The following ATL1 variants were observed in gnomAD, a reference collection of about 807,000 sequenced individuals.
ATL1 encodes the protein atlastin GTPase 1.
A neutral mutation model predicts 75.5 loss-of-function variants in ATL1; 31 were observed. That is an observed-to-expected ratio of 0.41 (90% CI 0.31 to 0.55). ATL1 has a LOEUF of 0.55. ATL1 is among the 20% of genes least tolerant of loss of function. The pLI is 0.27. For missense variants in ATL1, 405 were observed against 662.6 expected (o/e 0.61, Z 4.27); for synonymous variants, 226 against 233.3 (o/e 0.97, Z 0.28).
intron 1 of ATL1, among the ~76,000 whole-genome samples, chr14:50,552,334 G>C (rs114033559): frequency 2.0e-5 from 3 of 152,122 alleles, no homozygotes; most frequent in African/African-American, 4.8e-5. Flanking sequence ...TTCTCTACAA[G>C]GAAAATTACA....
chr14:50,620,862 C>T lies in ATL1; in HGVS notation c.990+136C>T, dbSNP rs998640408. The T allele has an allele frequency of 8.0e-6, 9 of 1,122,898 alleles. No individual in the cohort carries two copies. In the Admixed American group the frequency reaches 1.7e-4, roughly 21 times the overall value. The allele number at this position is 1,122,898 out of a possible 1,614,324, so 69.6% of individuals were successfully genotyped here. On this transcript the variant is annotated intron_variant, in intron 9 of 13. Coordinates refer to ENST00000358385, the MANE Select transcript of ATL1 (RefSeq NM_015915.5). ...AATCTATAAAAAGGATTTTAAAAAT[C>T]CTTTCTAAAAAGCTTTTTCAAAACC...
chr14:50,584,343 A>C (rs2039082285), intron 1 of ATL1, among the ~76,000 whole-genome samples: 1 of 152,150 alleles, frequency 6.6e-6, no homozygotes, highest in African/African-American at 2.4e-5. Context: ...ACACCACTGC[A>C]CTCTGCCTGG....
At chr14:50,567,166 T>G (rs1280054502) in intron 1 of ATL1, among the ~76,000 whole-genome samples, 1 of 152,244 alleles carries the variant, frequency 6.6e-6, no homozygotes, top group African/African-American at 2.4e-5. Flanking sequence ...ACCATTCTAC[T>G]TTCTTTCACT....
At chr14:50,608,347 A>T (rs1310042410) in intron 6 of ATL1, among the ~76,000 whole-genome samples, 4 of 152,068 alleles carry the variant, frequency 2.6e-5, no homozygotes, top group Non-Finnish European at 1.5e-5. Context: ...GCTCATCCCC[A>T]TTCATGAGAA....
intron 1 of ATL1, among the ~76,000 whole-genome samples, chr14:50,587,111 A>G (rs1299651483): frequency 6.6e-6 from 1 of 152,042 alleles, no homozygotes; most frequent in Non-Finnish European, 1.5e-5. Context: ...ATTTCTTCCT[A>G]TATATGTTCA....
In ATL1 at chr14:50,562,528, G is replaced by A. The variant is rs143839763; in HGVS notation, c.34+2229G>A. ...CTGCCTTTTAATTAGCATTTTAGGT[G>A]ATTGGGAAGCAGATGGTCTTTAGGT... On this transcript the variant is annotated intron_variant, in intron 1 of 13. Transcript: ENST00000358385. Among the ~76,000 whole-genome samples, 56 of 152,316 alleles carry A rather than the reference G, an allele frequency of 3.7e-4. No individual in the cohort carries two copies. In the East Asian group the frequency reaches 0.011, roughly 29 times the overall value.
intron 1 of ATL1, among the ~76,000 whole-genome samples, chr14:50,554,715 C>T (rs1478099305): frequency 1.3e-5 from 2 of 152,184 alleles, no homozygotes; most frequent in African/African-American, 4.8e-5. Context: ...TGTTTAAAAG[C>T]AGTTTAGAGA....
intron 1 of ATL1, among the ~76,000 whole-genome samples, chr14:50,587,400 C>A (rs1372708844): frequency 6.6e-6 from 1 of 152,044 alleles, no homozygotes. Context: ...CATTTCTTTT[C>A]TTTCTTTCTT....
chr14:50,631,190 G>A (rs548483416), intron 13 of ATL1: 2 of 189,672 alleles, frequency 1.1e-5, no homozygotes, highest in East Asian at 3.2e-4. Context: ...AACCTGGGAG[G>A]AGGTTGCAGT....
chr14:50,537,969 G>A (rs2038515235), intron 1 of ATL1, among the ~76,000 whole-genome samples: 1 of 152,200 alleles, frequency 6.6e-6, no homozygotes, highest in South Asian at 2.1e-4. Flanking sequence ...TTGGGGGACT[G>A]TTGGGAAGGC....
At chr14:50,557,883 A>G (rs1416316705), upstream of ATL1, among the ~76,000 whole-genome samples, 3 of 152,238 alleles carry the variant, frequency 2.0e-5, no homozygotes, top group Non-Finnish European at 4.4e-5. Flanking sequence ...TAGGGAAAAT[A>G]CAAAGGAACC....
chr14:50,593,888 C>A lies in ATL1; in HGVS notation c.565C>A (p.His189Asn). The A allele has an allele frequency of 6.2e-7, 1 of 1,605,814 alleles. No homozygotes were observed. The highest frequency in any genetic ancestry group is 8.5e-7 in the Non-Finnish European group (1 of 1,172,954). Residue 189 changes from histidine (H) to asparagine (N), a missense_variant, in exon 5 of 14, where the codon CAC (histidine) becomes AAC (asparagine). Coordinates refer to ENST00000358385, the MANE Select transcript of ATL1 (RefSeq NM_015915.5). ...AAATGTCCAGGAGGATGATCTTCAG[C>A]ACCTCCAGGTAACAATATTTATTTT... ...SQNVQEDDLQ[H>N]LQLFTEYGRL... is the part of the protein sequence containing the mutation.
intron 1 of ATL1, among the ~76,000 whole-genome samples, chr14:50,573,306 T>C (rs1437942167): frequency 6.6e-6 from 1 of 152,230 alleles, no homozygotes; most frequent in Non-Finnish European, 1.5e-5. Flanking sequence ...AGAATATATT[T>C]TGTATCGCAC....
At chr14:50,605,347 AT>A (rs1322435036) in intron 6 of ATL1, among the ~76,000 whole-genome samples, 1 of 151,952 alleles carries the variant, frequency 6.6e-6, no homozygotes, top group Non-Finnish European at 1.5e-5. Flanking sequence ...AGGACCACAA[AT>A]TTGTCTTGAT....
intron 6 of ATL1, among the ~76,000 whole-genome samples, chr14:50,597,220 C>CAAAAAAAAAAAAAAAAAAAA (rs372066395): frequency 3.0e-4 from 33 of 108,322 alleles, no homozygotes; most frequent in African/African-American, 7.9e-4. Flanking sequence ...AAAAAACAAA[C>CAAAAAAAAAAAAAAAAAAAA]AAAAAAAAAA....
intron 13 of ATL1, chr14:50,630,833 G>T: frequency 2.8e-6 from 1 of 356,418 alleles, no homozygotes; most frequent in Non-Finnish European, 5.6e-6. Context: ...GTAAATCAAA[G>T]CTTAAGAAAA....
At chr14:50,623,071 G>T in intron 10 of ATL1, 106 bp from the exon 11 acceptor site, 1 of 901,276 alleles carries the variant, frequency 1.1e-6, no homozygotes, top group Non-Finnish European at 1.8e-6. Context: ...GAGGACTTTG[G>T]TTTCTTGCAC....
chr14:50,602,860 G>A (rs1422218976), intron 6 of ATL1, among the ~76,000 whole-genome samples: 1 of 152,010 alleles, frequency 6.6e-6, no homozygotes, highest in African/African-American at 2.4e-5. Context: ...TTAGGCACCT[G>A]GGTTAGAATC....
intron 1 of ATL1, among the ~76,000 whole-genome samples, chr14:50,586,115 A>G (rs938731896): frequency 1.3e-5 from 2 of 152,202 alleles, no homozygotes; most frequent in African/African-American, 4.8e-5. Flanking sequence ...GCTTTTATCT[A>G]GTTATAAAAC....
Sources: gnomAD v4.1 joint callset for allele counts (sites outside exome capture counted in the v4.1 genomes callset) on GRCh38, gnomAD v4.1.1 for gene constraint, MANE v1.5 for transcripts, NCBI Gene and HGNC (gene_info 2026-07-23, HGNC 2026-07-21) for gene names.